The following ZMAT4 variants were observed in gnomAD, a reference collection of about 807,000 sequenced individuals.
ZMAT4 encodes the protein zinc finger matrin-type protein 4.
Under a neutral mutation model 28.7 loss-of-function variants are expected in ZMAT4, and 17 were observed. The ratio of observed to expected loss-of-function variants is 0.59; its 90% CI spans 0.41 to 0.89. The LOEUF (loss-of-function observed/expected upper bound fraction) is 0.89, where lower values mean the gene tolerates loss of function less well. Ranked by LOEUF, ZMAT4 falls within the 40% of genes least tolerant of loss-of-function variation. The pLI, the probability that ZMAT4 is intolerant of heterozygous loss-of-function variation, is 0.00. For missense variants in ZMAT4, 240 were observed against 283.8 expected (o/e 0.85, Z 1.11); for synonymous variants, 117 against 109.2 (o/e 1.07, Z -0.44).
intron 2 of ZMAT4, among the ~76,000 whole-genome samples, chr8:40,806,300 T>C (rs1458658132): frequency 2.0e-5 from 3 of 152,198 alleles, no homozygotes; most frequent in Admixed American, 6.5e-5. Context: ...CACATCATAG[T>C]TTTCCTTTGT....
rs538294472 is a variant in ZMAT4, at chr8:40,629,338, T to A, written c.577+45366A>T. Among the ~76,000 whole-genome samples, 3 of 147,142 alleles carry A rather than the reference T, an allele frequency of 2.0e-5. No individual in the cohort carries two copies. In the East Asian group the frequency reaches 5.9e-4, roughly 29 times the overall value. The stretch of plus-strand genomic sequence containing the variant: ...ACATATTTTCTCATTTTCTTCTGAG[T>A]TTTTTTCCCCATGCCTTTCTTATTG... On this transcript the variant is annotated intron_variant, in intron 5 of 6. Transcript: ENST00000297737.
chr8:40,767,114 A>T (rs1407372120), intron 3 of ZMAT4, among the ~76,000 whole-genome samples: 1 of 152,196 alleles, frequency 6.6e-6, no homozygotes, highest in East Asian at 1.9e-4. Flanking sequence ...CCTCAAAGCG[A>T]CTTTATAATT....
intron 2 of ZMAT4, among the ~76,000 whole-genome samples, chr8:40,785,713 A>G (rs35583211): frequency 0.72 from 110,057 of 152,044 alleles, 40,035 homozygotes; most frequent in Middle Eastern, 0.8. Flanking sequence ...TGTTTAACCA[A>G]TGTAATCATG....
At position 40,612,569 on chromosome 8, in the gene ZMAT4, C is replaced by G. The variant is rs1483144474; in HGVS notation, c.578-31308G>C. ...TCCACTCATAGACTTCTGTCATGAC[C>G]TTGTGTTTATGATCTGAAGTCCATA... On this transcript the variant is annotated intron_variant, in intron 5 of 6. Coordinates refer to ENST00000297737, the MANE Select transcript of ZMAT4 (RefSeq NM_024645.3). Among the ~76,000 whole-genome samples, 3 of 137,020 alleles carry G rather than the reference C, an allele frequency of 2.2e-5. 1 individual carries two copies. Among genetic ancestry groups the G allele is most frequent in the South Asian group, 2.3e-4 (1 of 4,340 alleles). 89.9% of individuals were successfully genotyped at this position (137,020 alleles called of 152,430 possible).
At chr8:40,632,618 T>C (rs971397796) in intron 5 of ZMAT4, among the ~76,000 whole-genome samples, 1 of 152,246 alleles carries the variant, frequency 6.6e-6, no homozygotes, top group African/African-American at 2.4e-5. Context: ...TGGAGTTTTG[T>C]AGCTGTGAGC....
At chr8:40,744,608 G>A (rs895182342) in intron 3 of ZMAT4, among the ~76,000 whole-genome samples, 34 of 152,206 alleles carry the variant, frequency 2.2e-4, no homozygotes, top group African/African-American at 5.5e-4. Flanking sequence ...CTGCTCAGCC[G>A]TAACCCACAG....
chr8:40,691,662 G>A (rs1321335011), intron 4 of ZMAT4, among the ~76,000 whole-genome samples: 1 of 152,174 alleles, frequency 6.6e-6, no homozygotes, highest in Non-Finnish European at 1.5e-5. Context: ...ACACTTGTAT[G>A]TATTTACATA....
intron 4 of ZMAT4, among the ~76,000 whole-genome samples, chr8:40,678,958 C>T (rs957489107): frequency 6.6e-6 from 1 of 152,124 alleles, no homozygotes; most frequent in Non-Finnish European, 1.5e-5. Context: ...GTATCTGTGC[C>T]TTATTATACA....
intron 4 of ZMAT4, among the ~76,000 whole-genome samples, chr8:40,691,906 C>T (rs1448556399): frequency 2.6e-5 from 4 of 152,074 alleles, no homozygotes; most frequent in African/African-American, 7.2e-5. Context: ...TTTGGTATAT[C>T]ACCTATTTTA....
At chr8:40,863,541 C>T (rs955509191) in intron 1 of ZMAT4, among the ~76,000 whole-genome samples, 1 of 152,120 alleles carries the variant, frequency 6.6e-6, no homozygotes, top group African/African-American at 2.4e-5. Flanking sequence ...GAAGTGGAGG[C>T]TGTGAGAAGA....
chr8:40,866,183 G>A (rs940786477), intron 1 of ZMAT4, among the ~76,000 whole-genome samples: 1 of 152,132 alleles, frequency 6.6e-6, no homozygotes. Flanking sequence ...ACTAAACCAG[G>A]GATGATGGCT....
Position 40,803,504 on chromosome 8 carries a change from A to G in ZMAT4, c.102+22071T>C, listed in dbSNP as rs927788027. 2.6e-5 allele frequency among the ~76,000 whole-genome samples: 4 copies of G among 152,200 alleles called. 1 individual carries two copies. In the South Asian group the frequency reaches 8.3e-4, roughly 32 times the overall value. The stretch of plus-strand genomic sequence containing the variant: ...CATATGAAAAGATGCTCCATATCAG[A>G]AGTCATCAGGGAACTGCAAATTAAA... On this transcript the variant is annotated intron_variant, in intron 2 of 6. Coordinates refer to ENST00000297737, the MANE Select transcript of ZMAT4 (RefSeq NM_024645.3).
At chr8:40,559,705 A>C (rs1373511708) in intron 6 of ZMAT4, among the ~76,000 whole-genome samples, 2 of 152,128 alleles carry the variant, frequency 1.3e-5, no homozygotes, top group Non-Finnish European at 2.9e-5. Context: ...AGTTGTAGAT[A>C]TAGAACTGAA....
At chr8:40,541,553 A>G (rs1271584104) in intron 6 of ZMAT4, among the ~76,000 whole-genome samples, 2 of 152,180 alleles carry the variant, frequency 1.3e-5, no homozygotes, top group Non-Finnish European at 2.9e-5. Flanking sequence ...AGTATTAGCA[A>G]TCGAGTCTGG....
At chr8:40,759,811 G>A (rs1332344309) in intron 3 of ZMAT4, among the ~76,000 whole-genome samples, 1 of 152,144 alleles carries the variant, frequency 6.6e-6, no homozygotes, top group Admixed American at 6.5e-5. Context: ...TTCTGTTCCA[G>A]GAAAGAGCTT....
intron 6 of ZMAT4, among the ~76,000 whole-genome samples, chr8:40,533,715 T>TA (rs1209995968): frequency 6.6e-6 from 1 of 152,244 alleles, no homozygotes. Flanking sequence ...TGCATATTTT[T>TA]AAAAATAGCT....
At chr8:40,853,511 T>G (rs1026562186) in intron 1 of ZMAT4, among the ~76,000 whole-genome samples, 6 of 152,058 alleles carry the variant, frequency 3.9e-5, no homozygotes, top group African/African-American at 1.4e-4. Context: ...AGCCAATATT[T>G]TGCCACTGCA....
At chr8:40,682,488 C>T (rs1004256519) in intron 4 of ZMAT4, among the ~76,000 whole-genome samples, 1 of 152,154 alleles carries the variant, frequency 6.6e-6, no homozygotes. Flanking sequence ...AAAGAAGTAC[C>T]TGTCTTCTCA....
At chr8:40,816,897 G>T (rs1815561985) in intron 2 of ZMAT4, among the ~76,000 whole-genome samples, 2 of 152,152 alleles carry the variant, frequency 1.3e-5, no homozygotes, top group South Asian at 4.1e-4. Context: ...AAGACCATTT[G>T]CCAATTGCTT....
Sources: gnomAD v4.1 joint callset for allele counts (sites outside exome capture counted in the v4.1 genomes callset) on GRCh38, gnomAD v4.1.1 for gene constraint, MANE v1.5 for transcripts, NCBI Gene and HGNC (gene_info 2026-07-23, HGNC 2026-07-21) for gene names.